Variants in RABGAP1L observed in about 807,000 individuals in gnomAD.
The protein encoded by RABGAP1L is RAB GTPase activating protein 1 like.
In RABGAP1L, 63 loss-of-function variants were observed where a neutral mutation model predicts 137.7. That is an observed-to-expected ratio of 0.46 (90% confidence interval 0.37 to 0.56). The LOEUF (loss-of-function observed/expected upper bound fraction) is 0.56. RABGAP1L is among the 20% of genes least tolerant of loss of function. The pLI is 0.00. For missense variants in RABGAP1L, 1,095 were observed against 1,244.0 expected (o/e 0.88, Z 1.80); for synonymous variants, 431 against 433.7 (o/e 0.99, Z 0.08).
In RABGAP1L at chr1:174,833,463, TATA is replaced by T. The variant is rs796981128; in HGVS notation, c.2340+21504_2340+21506del. ...GTGTGTGTAGAGATATATATATATA[TATA>T]TAGTAGAGACAGGGTTCTGTCATGT... is the stretch of plus-strand genomic sequence containing the variant. On this transcript the variant is annotated intron_variant, in intron 19 of 25. Coordinates refer to ENST00000681986, the MANE Select transcript of RABGAP1L (RefSeq NM_001366446.1). 2.8e-4 allele frequency among the ~76,000 whole-genome samples: 13 copies of T among 46,636 alleles called. 2 individuals carry two copies. Among genetic ancestry groups the T allele is most frequent in the East Asian group, 0.019 (2 of 104 alleles). The allele number at this position is 46,636 out of a possible 152,430, so 30.6% of individuals were successfully genotyped here.
intron 11 of RABGAP1L, among the ~76,000 whole-genome samples, chr1:174,320,103 A>T (rs1384430530): frequency 6.6e-6 from 1 of 152,160 alleles, no homozygotes; most frequent in African/African-American, 2.4e-5. Flanking sequence ...GGCATAAATT[A>T]TATACAACAG....
chr1:174,513,850 T>C (rs1295914768), intron 13 of RABGAP1L, among the ~76,000 whole-genome samples: 3 of 152,170 alleles, frequency 2.0e-5, no homozygotes, highest in Non-Finnish European at 2.9e-5. Context: ...ATAGTACAAA[T>C]AACATCTTTG....
At chr1:174,656,349 T>C (rs529385438) in intron 14 of RABGAP1L, among the ~76,000 whole-genome samples, 4 of 152,162 alleles carry the variant, frequency 2.6e-5, no homozygotes, top group East Asian at 1.9e-4. Flanking sequence ...TCCCAGCTAT[T>C]TGGAAGGCTG....
At chr1:174,762,383 C>G (rs896562685) in intron 18 of RABGAP1L, among the ~76,000 whole-genome samples, 3 of 152,182 alleles carry the variant, frequency 2.0e-5, no homozygotes, top group Admixed American at 2.0e-4. Flanking sequence ...ATCACATATA[C>G]TGGTTTCCTC....
At chr1:174,195,018 C>G (rs1667467478) in intron 1 of RABGAP1L, among the ~76,000 whole-genome samples, 2 of 148,350 alleles carry the variant, frequency 1.3e-5, no homozygotes, top group Admixed American at 6.8e-5. Context: ...TTGGCTCTTT[C>G]TTGATAACCT....
Position 174,305,015 on chromosome 1 carries a change from A to C in RABGAP1L, c.1353A>C (p.Gly451=), listed in dbSNP as rs771648806. The C allele has an allele frequency of 2.4e-5, 37 of 1,560,736 alleles. No individual in the cohort carries two copies. The highest frequency in any genetic ancestry group is 3.0e-5 in the Non-Finnish European group (35 of 1,158,170). The part of the protein sequence containing the change: ...QSEGKGHTNA[G]DAIYEVVSLQ... ...AGGGAAAAGGCCATACCAATGCTGGAGATGCAATATATGAGGTGGTGAGTC... is the reference window on the plus strand; with the variant it reads ...AGGGAAAAGGCCATACCAATGCTGGCGATGCAATATATGAGGTGGTGAGTC... The change falls in exon 11 of 26, where the codon GGA becomes GGC. Residue 451 remains glycine (G), a synonymous_variant. Coordinates refer to ENST00000681986, the MANE Select transcript of RABGAP1L (RefSeq NM_001366446.1).
intron 13 of RABGAP1L, among the ~76,000 whole-genome samples, chr1:174,516,155 A>ACACG (rs1662821186): frequency 2.7e-5 from 4 of 148,800 alleles, no homozygotes; most frequent in African/African-American, 7.4e-5. Context: ...ACACACACAC[A>ACACG]CACACACACA....
In RABGAP1L at chr1:174,305,093, T is replaced by A; in HGVS notation, c.1431T>A (p.Gly477=). The A allele has an allele frequency of 6.5e-7, 1 of 1,548,918 alleles. No individual in the cohort carries two copies. Among genetic ancestry groups the A allele is most frequent in the Non-Finnish European group, 8.7e-7 (1 of 1,155,922 alleles). ...CAGTCACTCCTACTAGTGGAGGGGGTCCAATGTCACCCCAGGATGATGAAG... is the reference window on the plus strand; with the variant it reads ...CAGTCACTCCTACTAGTGGAGGGGGACCAATGTCACCCCAGGATGATGAAG... ...EEPVTPTSGG[G]PMSPQDDEAE... Residue 477 remains glycine, a synonymous_variant, in exon 11 of 26, where the codon GGT becomes GGA. Transcript: ENST00000681986.
intron 19 of RABGAP1L, among the ~76,000 whole-genome samples, chr1:174,847,448 G>T (rs1356372556): frequency 6.6e-6 from 1 of 150,782 alleles, no homozygotes. Context: ...CTCAGCATTT[G>T]CTTGTCTGTA....
intron 13 of RABGAP1L, among the ~76,000 whole-genome samples, chr1:174,510,831 T>C (rs940835092): frequency 1.2e-4 from 18 of 152,174 alleles, no homozygotes; most frequent in African/African-American, 4.1e-4. Flanking sequence ...TACAGACATA[T>C]TTATCCTAAG....
chr1:174,181,847 G>C, intron 1 of RABGAP1L, among the ~76,000 whole-genome samples: 1 of 152,212 alleles, frequency 6.6e-6, no homozygotes, highest in East Asian at 1.9e-4. Flanking sequence ...AGGGAGGTGG[G>C]TAGGAATGAT....
chr1:174,587,466 AATAAAATAAAAT>A (rs1371400586), intron 13 of RABGAP1L, among the ~76,000 whole-genome samples: 2 of 151,338 alleles, frequency 1.3e-5, no homozygotes, highest in African/African-American at 2.4e-5. Context: ...AATAAAATAA[AATAAAATAAAAT>A]ATAAAAGTAC....
chr1:174,244,277 T>C (rs1228972467), intron 5 of RABGAP1L: 1 of 152,214 alleles, frequency 6.6e-6, no homozygotes, highest in Non-Finnish European at 1.5e-5. Context: ...ACAAATTTAT[T>C]TTTTATTTTT....
At chr1:174,714,217 A>G (rs893210764) in intron 17 of RABGAP1L, among the ~76,000 whole-genome samples, 97 of 152,312 alleles carry the variant, frequency 6.4e-4, no homozygotes, top group Non-Finnish European at 1.1e-3. Context: ...CTTGGAATGA[A>G]CTACTCACTC....
intron 20 of RABGAP1L, among the ~76,000 whole-genome samples, chr1:174,965,201 G>A (rs1669511144): frequency 6.6e-6 from 1 of 152,124 alleles, no homozygotes; most frequent in Admixed American, 6.6e-5. Flanking sequence ...ACAGTGTGAT[G>A]TGAGTTTTAA....
At chr1:174,506,626 T>A (rs1661840871) in intron 13 of RABGAP1L, among the ~76,000 whole-genome samples, 1 of 152,066 alleles carries the variant, frequency 6.6e-6, no homozygotes, top group East Asian at 1.9e-4. Context: ...AAATGATAAG[T>A]ATATTAGGTA....
intron 13 of RABGAP1L, among the ~76,000 whole-genome samples, chr1:174,516,932 T>A (rs1282596556): frequency 9.2e-6 from 1 of 108,384 alleles, no homozygotes; most frequent in African/African-American, 9.7e-5. Context: ...GTCTCAAAAA[T>A]AAATAAATAA....
intron 19 of RABGAP1L, chr1:174,892,979 C>T (rs1656503603): frequency 5.8e-6 from 1 of 172,714 alleles, no homozygotes; most frequent in South Asian, 1.2e-4. Context: ...CTCTTGACCT[C>T]ATGTGGTCTG....
At chr1:174,664,809 C>T (rs944465280) in intron 14 of RABGAP1L, among the ~76,000 whole-genome samples, 2 of 136,456 alleles carry the variant, frequency 1.5e-5, no homozygotes, top group African/African-American at 5.5e-5. Context: ...GTGATCTTGG[C>T]TCACCGCAAC....
Sources: allele counts gnomAD v4.1 joint callset (sites outside exome capture counted in the v4.1 genomes callset), GRCh38; gene constraint gnomAD v4.1.1; transcripts MANE v1.5; gene names NCBI Gene and HGNC (gene_info 2026-07-23, HGNC 2026-07-21).